Variants in CSMD1 observed in about 807,000 individuals in gnomAD.
The protein encoded by CSMD1 is CUB and sushi domain-containing protein 1.
In CSMD1, 213 loss-of-function variants were observed where a neutral mutation model predicts 417.5. That is an observed-to-expected ratio of 0.51 (90% CI 0.46 to 0.57). The LOEUF is 0.57. CSMD1 is among the 20% of genes least tolerant of loss of function. The probability of loss-of-function intolerance (pLI) is 0.00; values close to 1 mark genes in which losing one functional copy is unlikely to be tolerated. For missense variants in CSMD1, 6,923 were observed against 4,529.7 expected, an observed-to-expected ratio of 1.53 and a Z score of -15.17; for synonymous variants, 2,862 against 1,736.8, an observed-to-expected ratio of 1.65 and a Z score of -16.11.
chr8:3,762,095 A>G, intron 5 of CSMD1, among the ~76,000 whole-genome samples: 1 of 151,484 alleles, frequency 6.6e-6, no homozygotes, highest in Admixed American at 6.6e-5. Context: ...GAGCCCTCCC[A>G]CTCACTCCAG....
At chr8:3,971,510 G>C (rs544629684) in intron 5 of CSMD1, among the ~76,000 whole-genome samples, 1 of 152,102 alleles carries the variant, frequency 6.6e-6, no homozygotes, top group African/African-American at 2.4e-5. Context: ...CAGAACTCCC[G>C]AATCTATGAT....
chr8:4,331,775 G>T (rs116574576), intron 3 of CSMD1, among the ~76,000 whole-genome samples: 1 of 152,086 alleles, frequency 6.6e-6, no homozygotes, highest in South Asian at 2.1e-4. Context: ...AGTCTTCCCA[G>T]GAGAGGTTTT....
In CSMD1 at chr8:3,399,420, T is replaced by C. The variant is rs771033776; in HGVS notation, c.2376A>G (p.Pro792=). The change falls in exon 16 of 70, where the codon CCA becomes CCG. Residue 792 remains proline, a synonymous_variant. Coordinates refer to ENST00000635120, the MANE Select transcript of CSMD1 (RefSeq NM_033225.6). ...LHCEWIIEAK[P]GHSIKITFDR... ...CAAAAGTTATTTTGATAGAGTGGCC[T>C]GGTTTTGCTTCAATTATCCATTCAC... 2 of 1,606,634 alleles carry C rather than the reference T, an allele frequency of 1.2e-6. No homozygotes were observed. The highest frequency in any genetic ancestry group is 1.7e-6 in the Non-Finnish European group (2 of 1,177,154).
intron 1 of CSMD1, among the ~76,000 whole-genome samples, chr8:4,772,660 A>C (rs1417937788): frequency 1.3e-5 from 2 of 152,226 alleles, no homozygotes; most frequent in Non-Finnish European, 2.9e-5. Flanking sequence ...CTGAAGGTAC[A>C]GAAAAGAAGC....
intron 3 of CSMD1, among the ~76,000 whole-genome samples, chr8:4,104,992 TA>T (rs11393514): frequency 1.5e-4 from 22 of 150,732 alleles, no homozygotes; most frequent in East Asian, 3.9e-4. Context: ...AGTTTCACAT[TA>T]AAAAAAAAGC....
intron 3 of CSMD1, among the ~76,000 whole-genome samples, chr8:4,259,415 A>G (rs1048646618): frequency 9.9e-5 from 15 of 152,202 alleles, no homozygotes; most frequent in African/African-American, 3.6e-4. Context: ...CATTCATTTC[A>G]TAATTATACC....
intron 3 of CSMD1, among the ~76,000 whole-genome samples, chr8:4,184,398 T>G (rs974437829): frequency 2.0e-5 from 3 of 152,158 alleles, no homozygotes; most frequent in African/African-American, 7.2e-5. Flanking sequence ...ATTCTAATAA[T>G]CTGGAGCATA....
chr8:3,478,803 G>T (rs73174875), intron 11 of CSMD1, among the ~76,000 whole-genome samples: 157 of 152,190 alleles, frequency 1.0e-3, no homozygotes, highest in Non-Finnish European at 7.2e-4. Flanking sequence ...CTGCCTTGTC[G>T]AAGAAAAAAT....
At chr8:3,539,458 G>A (rs531059825) in intron 10 of CSMD1, among the ~76,000 whole-genome samples, 5 of 152,134 alleles carry the variant, frequency 3.3e-5, no homozygotes, top group Admixed American at 6.5e-5. Context: ...GTTTATGTGT[G>A]TTCTAATCTG....
rs114755963 is a variant in CSMD1, at chr8:3,498,294, G to A, written c.1345-4568C>T. The stretch of plus-strand genomic sequence containing the variant: ...TGCTATATCAAGGTGTGGATATTTT[G>A]GAGGTATATGTGGTACTTTGATACA... On this transcript the variant is annotated intron_variant, in intron 10 of 69. Coordinates refer to ENST00000635120, the MANE Select transcript of CSMD1 (RefSeq NM_033225.6). 9.9e-3 allele frequency among the ~76,000 whole-genome samples: 1,513 copies of A among 152,188 alleles called. 26 individuals are homozygous for A. The highest frequency in any genetic ancestry group is 0.035 in the African/African-American group (1,434 of 41,522).
intron 1 of CSMD1, among the ~76,000 whole-genome samples, chr8:4,705,157 C>G (rs1461815121): frequency 1.3e-5 from 2 of 152,116 alleles, no homozygotes; most frequent in African/African-American, 2.4e-5. Flanking sequence ...TCCTCCTTCC[C>G]CTTCACCATA....
intron 16 of CSMD1, 116 bp from the exon 17 acceptor site, chr8:3,396,497 G>A: frequency 2.9e-6 from 2 of 697,148 alleles, no homozygotes; most frequent in South Asian, 2.2e-5. Context: ...GAAGAAAATA[G>A]TTGAAATTAC....
At chr8:4,400,279 G>A (rs991441150) in intron 3 of CSMD1, among the ~76,000 whole-genome samples, 2 of 152,206 alleles carry the variant, frequency 1.3e-5, no homozygotes, top group Middle Eastern at 3.2e-3. Flanking sequence ...ATTAAAATAA[G>A]TAAGATACTA....
At chr8:4,066,642 G>A (rs149854229) in intron 3 of CSMD1, among the ~76,000 whole-genome samples, 1 of 152,216 alleles carries the variant, frequency 6.6e-6, no homozygotes, top group Admixed American at 6.5e-5. Context: ...ACAGCTCTTT[G>A]TGGATGTTTT....
chr8:4,276,641 G>C (rs563616883), intron 3 of CSMD1, among the ~76,000 whole-genome samples: 1 of 152,276 alleles, frequency 6.6e-6, no homozygotes, highest in East Asian at 1.9e-4. Context: ...AAGTGAAGTA[G>C]TGATTCAAAG....
At chr8:2,953,710 A>G (rs1312025607) in intron 65 of CSMD1, among the ~76,000 whole-genome samples, 1 of 152,240 alleles carries the variant, frequency 6.6e-6, no homozygotes, top group African/African-American at 2.4e-5. Flanking sequence ...TAATGCTTTT[A>G]GCAAAAGGTG....
At chr8:3,610,833 C>A (rs374565072) in intron 8 of CSMD1, among the ~76,000 whole-genome samples, 1 of 152,042 alleles carries the variant, frequency 6.6e-6, no homozygotes, top group Non-Finnish European at 1.5e-5. Context: ...AGGTCAAAAT[C>A]ATTTTACAAT....
intron 2 of CSMD1, among the ~76,000 whole-genome samples, chr8:4,622,200 T>C (rs1362129453): frequency 6.9e-6 from 1 of 145,726 alleles, no homozygotes; most frequent in South Asian, 2.2e-4. Context: ...ATGGCAGACA[T>C]ATTGACCTGA....
intron 26 of CSMD1, among the ~76,000 whole-genome samples, chr8:3,268,375 G>T (rs571714794): frequency 7.6e-6 from 1 of 131,934 alleles, no homozygotes; most frequent in African/African-American, 2.9e-5. Context: ...TGCAAGCTCC[G>T]CCTCCGAGGT....
Sources: gnomAD v4.1 joint callset for allele counts (sites outside exome capture counted in the v4.1 genomes callset) on GRCh38, gnomAD v4.1.1 for gene constraint, MANE v1.5 for transcripts, NCBI Gene and HGNC (gene_info 2026-07-23, HGNC 2026-07-21) for gene names.